Variants in DOCK1 observed in about 807,000 individuals in gnomAD.
DOCK1 encodes the protein dedicator of cytokinesis protein 1.
A neutral mutation model predicts 262.7 loss-of-function variants in DOCK1; 138 were observed. The observed-to-expected ratio is 0.53, with a 90% CI of 0.46 to 0.61. DOCK1 has a LOEUF of 0.61. Ranked by LOEUF, DOCK1 falls within the 20% of genes least tolerant of loss-of-function variation. The pLI is 0.00. For missense variants in DOCK1, 1,908 were observed against 2,370.7 expected, an observed-to-expected ratio of 0.80 and a Z score of 4.05; for synonymous variants, 866 against 867.4, an observed-to-expected ratio of 1.00 and a Z score of 0.03.
At chr10:127,069,863 C>T (rs965619011) in intron 23 of DOCK1, among the ~76,000 whole-genome samples, 4 of 152,176 alleles carry the variant, frequency 2.6e-5, no homozygotes, top group African/African-American at 9.7e-5. Context: ...GGAAGTTGCT[C>T]TAACAAAATA....
chr10:127,073,047 A>G lies in DOCK1; in HGVS notation c.2445+11271A>G, dbSNP rs192605379. Among the ~76,000 whole-genome samples, 281 of 152,296 alleles carry G rather than the reference A, an allele frequency of 1.8e-3. 2 individuals are homozygous for G. The highest frequency in any genetic ancestry group is 6.5e-3 in the African/African-American group (271 of 41,554). On this transcript the variant is annotated intron_variant, in intron 23 of 51. Coordinates refer to ENST00000623213, the MANE Select transcript of DOCK1 (RefSeq NM_001290223.2). ...AACGCTCATCTGCACTTCACTTACG[A>G]TGTGGCATTTATAAATGCATTCACC...
rs1232418796 is a variant in DOCK1 at position 127,107,856 on chromosome 10, T to C, written c.2516+1555T>C. Among the ~76,000 whole-genome samples the C allele has an allele frequency of 2.6e-5, 4 of 152,238 alleles. No individual in the cohort carries two copies. The East Asian group carries it at 7.7e-4, about 29-fold the overall frequency. The stretch of plus-strand genomic sequence containing the variant: ...GTGGCCATACTCTAGGCCTGTCTCA[T>C]GGTGCACACAGATCAGCTCCGCACC... On this transcript the variant is annotated intron_variant, in intron 24 of 51. Transcript: ENST00000623213.
chr10:126,932,523 G>A (rs1361349053), intron 1 of DOCK1, among the ~76,000 whole-genome samples: 1 of 152,210 alleles, frequency 6.6e-6, no homozygotes, highest in Non-Finnish European at 1.5e-5. Flanking sequence ...CAGCTGTGAG[G>A]TTTGGAGAGG....
chr10:127,023,086 C>A, intron 13 of DOCK1, 114 bp from the exon 14 acceptor site: 4 of 1,188,680 alleles, frequency 3.4e-6, no homozygotes, highest in Non-Finnish European at 4.6e-6. Flanking sequence ...ATTTCATAAT[C>A]ATCTAATATG....
intron 32 of DOCK1, 128 bp from the exon 33 acceptor site, chr10:127,361,936 G>C: frequency 1.9e-6 from 2 of 1,065,208 alleles, no homozygotes; most frequent in Non-Finnish European, 2.6e-6. Flanking sequence ...GACGCGAAAT[G>C]GATGCACATT....
intron 29 of DOCK1, among the ~76,000 whole-genome samples, chr10:127,324,024 G>A (rs900242077): frequency 1.3e-5 from 2 of 152,216 alleles, no homozygotes; most frequent in African/African-American, 4.8e-5. Context: ...TCTTGAGGAG[G>A]GGGAGCGGTG....
intron 1 of DOCK1, among the ~76,000 whole-genome samples, chr10:126,947,384 T>C (rs2035538151): frequency 7.0e-6 from 1 of 143,722 alleles, no homozygotes. Flanking sequence ...GTGGTGATGG[T>C]GGTAGTTGGT....
chr10:126,921,404 C>A (rs1229661671), intron 1 of DOCK1, among the ~76,000 whole-genome samples: 2 of 152,070 alleles, frequency 1.3e-5, no homozygotes, highest in Non-Finnish European at 2.9e-5. Flanking sequence ...CATGGGTGAA[C>A]CTTGAAAACA....
rs545776326 is a variant in DOCK1 at position 127,208,029 on chromosome 10, G to A, written c.2848-39979G>A. 1.8e-4 allele frequency among the ~76,000 whole-genome samples: 28 copies of A among 152,288 alleles called. No homozygotes were observed. The South Asian group carries it at 5.0e-3, about 27-fold the overall frequency. ...TGTAGGCTCACCCGGCCTCCTCTGCGATTTGGGCAGAATTAGAGCAGTATA... is the reference window on the plus strand; with the variant it reads ...TGTAGGCTCACCCGGCCTCCTCTGCAATTTGGGCAGAATTAGAGCAGTATA... On this transcript the variant is annotated intron_variant, in intron 27 of 51. Coordinates refer to ENST00000623213, the MANE Select transcript of DOCK1 (RefSeq NM_001290223.2).
chr10:127,371,834 A>C (rs1046305090), intron 33 of DOCK1, among the ~76,000 whole-genome samples: 2 of 152,194 alleles, frequency 1.3e-5, no homozygotes, highest in Admixed American at 1.3e-4. Context: ...ATGTGATTCC[A>C]AAAAGAACTA....
Position 127,099,290 on chromosome 10 carries a change from T to C in DOCK1, c.2446-6941T>C, listed in dbSNP as rs150851415. Reference sequence around the variant, plus strand: ...GAGGACAGAAGGAGACAAAGCAGACTGAAATAGTCTCTGTCCTTACCTGTG... The same window carrying C: ...GAGGACAGAAGGAGACAAAGCAGACCGAAATAGTCTCTGTCCTTACCTGTG... On this transcript the variant is annotated intron_variant, in intron 23 of 51. Transcript: ENST00000623213. Among the ~76,000 whole-genome samples, 251 of 152,318 alleles carry C rather than the reference T, an allele frequency of 1.6e-3. 1 individual carries two copies. The highest frequency in any genetic ancestry group is 5.5e-3 in the African/African-American group (228 of 41,580).
intron 27 of DOCK1, among the ~76,000 whole-genome samples, chr10:127,236,237 T>C (rs1440159606): frequency 6.6e-6 from 1 of 152,192 alleles, no homozygotes; most frequent in Non-Finnish European, 1.5e-5. Flanking sequence ...AAAGTTTTGT[T>C]GTTTTAAGTT....
At chr10:126,988,379 A>G (rs1352778316) in intron 5 of DOCK1, 1 of 152,230 alleles carries the variant, frequency 6.6e-6, no homozygotes. Context: ...GAGAACATAG[A>G]AAACTTCCTA....
At chr10:127,274,735 GCT>G (rs1456416258) in intron 29 of DOCK1, among the ~76,000 whole-genome samples, 6 of 152,182 alleles carry the variant, frequency 3.9e-5, no homozygotes, top group African/African-American at 1.4e-4. Flanking sequence ...GTGTTCCCGA[GCT>G]CTGTTTTGGC....
chr10:127,329,882 G>C (rs369412089), intron 29 of DOCK1, among the ~76,000 whole-genome samples: 1 of 152,152 alleles, frequency 6.6e-6, no homozygotes, highest in African/African-American at 2.4e-5. Context: ...AAATTAGACT[G>C]TTAGTGATGA....
chr10:127,017,583 A>T (rs9418780), intron 12 of DOCK1, among the ~76,000 whole-genome samples: 1 of 151,780 alleles, frequency 6.6e-6, no homozygotes, highest in Non-Finnish European at 1.5e-5. Flanking sequence ...ATACACAGAC[A>T]CACAGTGACT....
At chr10:127,288,537 G>GA (rs958321358) in intron 29 of DOCK1, among the ~76,000 whole-genome samples, 2 of 151,100 alleles carry the variant, frequency 1.3e-5, no homozygotes, top group East Asian at 1.9e-4. Context: ...TTTTCCATAG[G>GA]AAAAAAAATC....
At chr10:127,251,991 C>G (rs1446344671) in intron 28 of DOCK1, among the ~76,000 whole-genome samples, 1 of 152,128 alleles carries the variant, frequency 6.6e-6, no homozygotes, top group East Asian at 1.9e-4. Context: ...AACTAGTTTA[C>G]AGTCCCACCA....
At chr10:127,056,200 CATG>C (rs145529680) in intron 22 of DOCK1, among the ~76,000 whole-genome samples, 10,877 of 151,856 alleles carry the variant, frequency 0.072, 449 homozygotes, top group East Asian at 0.13. Flanking sequence ...TGCTCCTGAT[CATG>C]ATGATGATGA....
Sources: allele counts gnomAD v4.1 joint callset (sites outside exome capture counted in the v4.1 genomes callset), GRCh38; gene constraint gnomAD v4.1.1; transcripts MANE v1.5; gene names NCBI Gene and HGNC (gene_info 2026-07-23, HGNC 2026-07-21).